Variants in CEP112 observed in about 807,000 individuals in gnomAD.
The protein encoded by CEP112 is centrosomal protein 112.
Under a neutral mutation model 153.0 loss-of-function variants are expected in CEP112, and 127 were observed. The ratio of observed to expected loss-of-function variants is 0.83; its 90% CI spans 0.72 to 0.96. The LOEUF is 0.96. CEP112 is among the 40% of genes least tolerant of loss of function. The pLI is 0.00. For synonymous variants in CEP112, 358 were observed against 374.4 expected, an observed-to-expected ratio of 0.96 and a Z score of 0.51; for missense variants, 1,089 against 1,101.2, an observed-to-expected ratio of 0.99 and a Z score of 0.16.
chr17:65,879,177 T>C (rs764259469), intron 20 of CEP112, among the ~76,000 whole-genome samples: 22 of 152,210 alleles, frequency 1.4e-4, no homozygotes, highest in Non-Finnish European at 2.9e-4. Flanking sequence ...CTGAATTATG[T>C]TGTAGGCCCA....
rs34971943 is a variant in CEP112 at position 66,009,189 on chromosome 17, T to TTGTGTGTGTGTGTGTGTG, written c.1657-3438_1657-3421dup. ...ATCCTGGCCTACACTTGTTATCCCT[T>TTGTGTGTGTGTGTGTGTG]TGTGTGTGTGTGTGTGTGTGTGTGT... On this transcript the variant is annotated intron_variant, in intron 16 of 26. Transcript: ENST00000535342. 6.1e-4 allele frequency among the ~76,000 whole-genome samples: 90 copies of TTGTGTGTGTGTGTGTGTG among 146,936 alleles called. 1 individual carries two copies. The highest frequency in any genetic ancestry group is 2.2e-3 in the African/African-American group (85 of 39,262).
intron 17 of CEP112, among the ~76,000 whole-genome samples, chr17:65,988,241 TAAG>T (rs1276488270): frequency 1.3e-5 from 2 of 152,152 alleles, no homozygotes; most frequent in East Asian, 1.9e-4. Flanking sequence ...TCTAGCGAGA[TAAG>T]AAAGAAAGAA....
chr17:65,903,736 C>G (rs1027300196), intron 19 of CEP112, among the ~76,000 whole-genome samples: 1 of 152,196 alleles, frequency 6.6e-6, no homozygotes, highest in African/African-American at 2.4e-5. Context: ...CAAACCGAAT[C>G]CAGCAGCACA....
chr17:65,723,780 T>C lies in CEP112; in HGVS notation c.2607+19288A>G, dbSNP rs565278813. ...AACAATCTCCCCTTTCATCATTATTTACACATAAAAATAATGCAATTTGTG... is the reference window on the plus strand; with the variant it reads ...AACAATCTCCCCTTTCATCATTATTCACACATAAAAATAATGCAATTTGTG... On this transcript the variant is annotated intron_variant, in intron 23 of 26. Transcript: ENST00000535342. 1.1e-3 allele frequency among the ~76,000 whole-genome samples: 166 copies of C among 152,368 alleles called. 1 individual carries two copies. The highest frequency in any genetic ancestry group is 3.9e-3 in the African/African-American group (161 of 41,594).
intron 6 of CEP112, among the ~76,000 whole-genome samples, chr17:66,127,866 T>TC (rs2069924267): frequency 6.6e-6 from 1 of 152,162 alleles, no homozygotes; most frequent in Non-Finnish European, 1.5e-5. Flanking sequence ...GGCCAACATT[T>TC]CCGTTTCTCA....
rs569506196 is a variant in CEP112 at position 66,166,840 on chromosome 17, G to A, written c.470+8204C>T. 4.0e-5 allele frequency among the ~76,000 whole-genome samples: 6 copies of A among 150,822 alleles called. No homozygotes were observed. In the South Asian group the frequency reaches 1.3e-3, roughly 32 times the overall value. ...AATCGCTTGAACCCGGGAGGCAGAG[G>A]TTGCAGTGAGCCGAGATCGTGCCAC... On this transcript the variant is annotated intron_variant, in intron 4 of 26. Transcript: ENST00000535342.
chr17:65,848,262 T>C (rs1343043489), intron 21 of CEP112, among the ~76,000 whole-genome samples: 1 of 152,208 alleles, frequency 6.6e-6, no homozygotes, highest in Non-Finnish European at 1.5e-5. Flanking sequence ...ACTTATCTTT[T>C]GAAACCCTGT....
chr17:66,060,146 AG>A (rs1162103853), intron 11 of CEP112, among the ~76,000 whole-genome samples: 1 of 152,142 alleles, frequency 6.6e-6, no homozygotes, highest in Non-Finnish European at 1.5e-5. Context: ...TAGAGGAAAG[AG>A]GGGGACAAAG....
chr17:66,115,400 A>C (rs1161521009), intron 6 of CEP112, among the ~76,000 whole-genome samples: 2 of 152,212 alleles, frequency 1.3e-5, no homozygotes, highest in African/African-American at 4.8e-5. Flanking sequence ...CATTTTATTT[A>C]GCACCCAATT....
chr17:66,129,900 A>G, intron 5 of CEP112, 77 bp from the exon 6 acceptor site: 1 of 930,268 alleles, frequency 1.1e-6, no homozygotes, highest in South Asian at 1.5e-5. Context: ...GGAAGAGATA[A>G]AAGAGGAAAA....
chr17:66,015,380 T>A (rs763614419), intron 16 of CEP112, among the ~76,000 whole-genome samples: 1 of 123,182 alleles, frequency 8.1e-6, no homozygotes, highest in Non-Finnish European at 1.8e-5. Flanking sequence ...TTTTCGTTCT[T>A]GAGTATTTTT....
chr17:65,928,660 G>A (rs1395468862), intron 18 of CEP112, among the ~76,000 whole-genome samples: 4 of 151,972 alleles, frequency 2.6e-5, no homozygotes, highest in Admixed American at 2.0e-4. Flanking sequence ...CCCAGGAGTC[G>A]GAGACCAGTG....
At chr17:65,863,426 A>G (rs1262351634) in intron 20 of CEP112, among the ~76,000 whole-genome samples, 1 of 152,190 alleles carries the variant, frequency 6.6e-6, no homozygotes, top group Non-Finnish European at 1.5e-5. Context: ...AAGCAGGAGA[A>G]TGGTGTGTCA....
At chr17:65,886,317 T>C (rs564523553) in intron 20 of CEP112, among the ~76,000 whole-genome samples, 2 of 152,312 alleles carry the variant, frequency 1.3e-5, no homozygotes, top group African/African-American at 2.4e-5. Flanking sequence ...GAGTAAGAAG[T>C]TGCCATAAAA....
intron 6 of CEP112, among the ~76,000 whole-genome samples, chr17:66,114,784 C>T (rs2069206104): frequency 6.6e-6 from 1 of 152,092 alleles, no homozygotes; most frequent in African/African-American, 2.4e-5. Context: ...CTTTGAGAGG[C>T]TATCCAAATT....
chr17:66,028,696 G>T (rs1477762083), intron 14 of CEP112, among the ~76,000 whole-genome samples: 1 of 151,762 alleles, frequency 6.6e-6, no homozygotes, highest in Non-Finnish European at 1.5e-5. Flanking sequence ...AATATTTAAT[G>T]TTATGGAAAT....
At chr17:66,138,642 A>C (rs926141594) in intron 4 of CEP112, among the ~76,000 whole-genome samples, 24 of 152,228 alleles carry the variant, frequency 1.6e-4, no homozygotes, top group African/African-American at 5.8e-4. Flanking sequence ...TGTTACAACT[A>C]TAAGATGATT....
At position 65,860,025 on chromosome 17, in the gene CEP112, A is replaced by C. The variant is rs538559009; in HGVS notation, c.2164-7991T>G. On this transcript the variant is annotated intron_variant, in intron 20 of 26. Coordinates refer to ENST00000535342, the MANE Select transcript of CEP112 (RefSeq NM_001199165.4). The stretch of plus-strand genomic sequence containing the variant: ...GTGAGACTCCATCTCAAAAAAAAAA[A>C]AAAAACAAAAACCTATCTTTAATCA... Among the ~76,000 whole-genome samples the C allele has an allele frequency of 3.2e-3, 482 of 151,306 alleles. 5 individuals are homozygous for C. Among genetic ancestry groups the C allele is most frequent in the African/African-American group, 9.6e-3 (398 of 41,380 alleles).
intron 6 of CEP112, among the ~76,000 whole-genome samples, chr17:66,107,547 G>A (rs1018503780): frequency 6.6e-6 from 1 of 151,890 alleles, no homozygotes; most frequent in Non-Finnish European, 1.5e-5. Flanking sequence ...ATTTACAATA[G>A]ATACAAATAA....
Sources: gnomAD v4.1 joint callset for allele counts (sites outside exome capture counted in the v4.1 genomes callset) on GRCh38, gnomAD v4.1.1 for gene constraint, MANE v1.5 for transcripts, NCBI Gene and HGNC (gene_info 2026-07-23, HGNC 2026-07-21) for gene names.